The following MGAT4C variants were observed in gnomAD, a reference collection of about 807,000 sequenced individuals.
MGAT4C encodes alpha-1,3-mannosyl-glycoprotein 4-beta-N-acetylglucosaminyltransferase C.
A neutral mutation model predicts 40.1 loss-of-function variants in MGAT4C; 19 were observed. That is an observed-to-expected ratio of 0.47 (90% CI 0.33 to 0.70). The LOEUF (loss-of-function observed/expected upper bound fraction) is 0.70, where lower values mean the gene tolerates loss of function less well. Ranked by LOEUF, MGAT4C falls within the 30% of genes least tolerant of loss-of-function variation. MGAT4C has a pLI of 0.02. For missense variants in MGAT4C, 491 were observed against 563.2 expected (o/e 0.87, Z 1.30); for synonymous variants, 181 against 187.1 (o/e 0.97, Z 0.27).
intron 2 of MGAT4C, among the ~76,000 whole-genome samples, chr12:86,482,108 GTCT>G (rs1259393513): frequency 2.0e-5 from 2 of 102,298 alleles, no homozygotes; most frequent in Admixed American, 2.0e-4. Flanking sequence ...ACACAAGCAA[GTCT>G]TCTTTTTCAA....
chr12:86,282,016 T>G (rs1013475059), intron 4 of MGAT4C, among the ~76,000 whole-genome samples: 3 of 152,166 alleles, frequency 2.0e-5, no homozygotes, highest in Non-Finnish European at 2.9e-5. Context: ...AAAATTTTCT[T>G]TATATTTCAA....
chr12:86,721,908 T>C (rs962001968), intron 2 of MGAT4C, among the ~76,000 whole-genome samples: 5 of 152,138 alleles, frequency 3.3e-5, no homozygotes, highest in African/African-American at 1.2e-4. Context: ...CGACATTTGA[T>C]GCAGGTAGAA....
At chr12:86,058,819 AT>A (rs1186427333) in intron 1 of MGAT4C, among the ~76,000 whole-genome samples, 1 of 152,144 alleles carries the variant, frequency 6.6e-6, no homozygotes, top group Non-Finnish European at 1.5e-5. Context: ...TATCTTTTAG[AT>A]GTAAAAATGT....
chr12:86,681,507 C>T (rs1005822820), intron 2 of MGAT4C, among the ~76,000 whole-genome samples: 1 of 151,492 alleles, frequency 6.6e-6, no homozygotes, highest in Non-Finnish European at 1.5e-5. Flanking sequence ...TTTCATCCAC[C>T]CACTCACTCA....
intron 1 of MGAT4C, among the ~76,000 whole-genome samples, chr12:86,254,104 T>C (rs920455650): frequency 6.6e-6 from 1 of 151,962 alleles, no homozygotes; most frequent in African/African-American, 2.4e-5. Context: ...AATAGGGCAG[T>C]ACAAGTAACA....
At chr12:86,590,364 A>G (rs1422644599) in intron 2 of MGAT4C, among the ~76,000 whole-genome samples, 1 of 151,504 alleles carries the variant, frequency 6.6e-6, no homozygotes, top group South Asian at 2.1e-4. Flanking sequence ...TCTGCTTTCA[A>G]CCCTGAAGCA....
chr12:86,238,885 A>C (rs190263237), intron 1 of MGAT4C, among the ~76,000 whole-genome samples: 1 of 151,988 alleles, frequency 6.6e-6, no homozygotes, highest in Admixed American at 6.6e-5. Context: ...AGTAGACCTC[A>C]TGGGTTTTTT....
At chr12:86,590,866 T>C (rs1022838638) in intron 2 of MGAT4C, among the ~76,000 whole-genome samples, 3 of 152,016 alleles carry the variant, frequency 2.0e-5, no homozygotes, top group African/African-American at 7.2e-5. Flanking sequence ...ATGATGCTCA[T>C]CTGCATTTTA....
intron 2 of MGAT4C, among the ~76,000 whole-genome samples, chr12:86,719,795 A>C (rs1258106924): frequency 1.3e-5 from 2 of 152,204 alleles, no homozygotes; most frequent in Admixed American, 6.6e-5. Flanking sequence ...GTGGGTTTTC[A>C]ATGAATTAAT....
chr12:86,445,992 G>A (rs1401961065), intron 2 of MGAT4C, among the ~76,000 whole-genome samples: 1 of 151,952 alleles, frequency 6.6e-6, no homozygotes, highest in African/African-American at 2.4e-5. Context: ...ACTGTGCAAA[G>A]GTACTGGGTT....
At chr12:86,311,394 G>T (rs1954068816) in intron 4 of MGAT4C, among the ~76,000 whole-genome samples, 1 of 152,204 alleles carries the variant, frequency 6.6e-6, no homozygotes. Context: ...TGCATATGCG[G>T]TCTGTCGCTG....
intron 1 of MGAT4C, among the ~76,000 whole-genome samples, chr12:86,803,879 C>G (rs1376589538): frequency 6.6e-6 from 1 of 150,622 alleles, no homozygotes; most frequent in Non-Finnish European, 1.5e-5. Context: ...GGATCTAGAA[C>G]TAGAAATACC....
intron 4 of MGAT4C, among the ~76,000 whole-genome samples, chr12:86,296,865 CT>C (rs1953694602): frequency 6.6e-6 from 1 of 152,244 alleles, no homozygotes; most frequent in South Asian, 2.1e-4. Flanking sequence ...GGCCAAAGGG[CT>C]CCTCAAGTGC....
chr12:86,515,934 CG>C (rs1268324133), intron 2 of MGAT4C, among the ~76,000 whole-genome samples: 2 of 151,706 alleles, frequency 1.3e-5, no homozygotes, highest in Non-Finnish European at 2.9e-5. Context: ...TTAGTAGAGA[CG>C]GGGTTTCACC....
chr12:86,074,538 T>C (rs545117777), intron 1 of MGAT4C, among the ~76,000 whole-genome samples: 5 of 152,310 alleles, frequency 3.3e-5, no homozygotes, highest in African/African-American at 1.2e-4. Flanking sequence ...CTCTTCTATG[T>C]CTCTTACAGT....
At chr12:86,011,723 G>A (rs553102958) in intron 2 of MGAT4C, 1 of 513,736 alleles carries the variant, frequency 1.9e-6, no homozygotes, top group African/African-American at 2.1e-5. Flanking sequence ...TGTAAAAAAA[G>A]TATGTTAATA....
At chr12:86,135,021 C>A (rs1182692106) in intron 1 of MGAT4C, among the ~76,000 whole-genome samples, 3 of 152,146 alleles carry the variant, frequency 2.0e-5, no homozygotes, top group Admixed American at 6.5e-5. Flanking sequence ...GGAACACACA[C>A]AACCCCCAAA....
chr12:86,475,587 C>T (rs1957822161), intron 2 of MGAT4C, among the ~76,000 whole-genome samples: 1 of 151,802 alleles, frequency 6.6e-6, no homozygotes, highest in Non-Finnish European at 1.5e-5. Flanking sequence ...GTATAGAAAG[C>T]ATGAATTATA....
At position 86,012,786 on chromosome 12, in the gene MGAT4C, C is replaced by CCACCACCACCACCACCACCACCAG. The variant is rs397967579; in HGVS notation, c.-6-23235_-6-23234insCTGGTGGTGGTGGTGGTGGTGGTG. On this transcript the variant is annotated intron_variant, in intron 2 of 4. Coordinates refer to ENST00000611864, the MANE Select transcript of MGAT4C (RefSeq NM_001351288.2). ...ACAACAACAACAACAACAACCACCA[C>CCACCACCACCACCACCACCACCAG]CACCACCACCACCACCACCACCACC... Among the ~76,000 whole-genome samples the CCACCACCACCACCACCACCACCAG allele has an allele frequency of 1.7e-3, 219 of 129,666 alleles. 2 individuals are homozygous for CCACCACCACCACCACCACCACCAG. Among genetic ancestry groups the CCACCACCACCACCACCACCACCAG allele is most frequent in the African/African-American group, 5.9e-3 (204 of 34,400 alleles). The allele number at this position is 129,666 out of a possible 152,430, so 85.1% of individuals were successfully genotyped here. A position where few individuals can be genotyped will look rare whatever the true frequency, so the allele number is the denominator to read the frequency against.
Sources: gnomAD v4.1 joint callset for allele counts (sites outside exome capture counted in the v4.1 genomes callset) on GRCh38, gnomAD v4.1.1 for gene constraint, MANE v1.5 for transcripts, NCBI Gene and HGNC (gene_info 2026-07-23, HGNC 2026-07-21) for gene names.